The following CADM2 variants were observed in gnomAD, a reference collection of about 807,000 sequenced individuals.
CADM2 encodes the protein immunoglobulin superfamily member 4D.
CADM2 carries 12 observed loss-of-function variants against 49.8 expected under a neutral mutation model. The observed-to-expected ratio is 0.24, with a 90% CI of 0.15 to 0.39. The LOEUF (loss-of-function observed/expected upper bound fraction) is 0.39. Ranked by LOEUF, CADM2 falls within the 10% of genes least tolerant of loss-of-function variation. CADM2 has a pLI of 1.00. For synonymous variants in CADM2, 214 were observed against 175.4 expected (o/e 1.22, Z -1.74); for missense variants, 378 against 492.3 (o/e 0.77, Z 2.20).
At position 85,430,509 on chromosome 3, in the gene CADM2, C is replaced by T. The variant is rs185136055; in HGVS notation, c.62-296013C>T. ...CTCCTGCCTGGGTGACAGAGCAAGA[C>T]CTTGTCTCAAAAAATAATAATAATA... On this transcript the variant is annotated intron_variant, in intron 1 of 9. Coordinates refer to ENST00000383699, the MANE Select transcript of CADM2 (RefSeq NM_001167675.2). 2.4e-3 allele frequency among the ~76,000 whole-genome samples: 362 copies of T among 151,390 alleles called. 2 individuals carry two copies. Among genetic ancestry groups the T allele is most frequent in the African/African-American group, 8.4e-3 (346 of 41,214 alleles).
intron 1 of CADM2, among the ~76,000 whole-genome samples, chr3:85,080,538 A>T (rs937244617): frequency 6.6e-6 from 1 of 152,120 alleles, no homozygotes; most frequent in African/African-American, 2.4e-5. Flanking sequence ...TGTCGGTAGC[A>T]GTACCAAAAT....
chr3:85,604,479 A>C (rs181059177), intron 1 of CADM2, among the ~76,000 whole-genome samples: 1 of 151,638 alleles, frequency 6.6e-6, no homozygotes, highest in East Asian at 1.9e-4. Context: ...CCCATGTGAA[A>C]CTCTGTGTTT....
At chr3:84,999,238 C>T (rs1186871970) in intron 1 of CADM2, among the ~76,000 whole-genome samples, 2 of 152,126 alleles carry the variant, frequency 1.3e-5, no homozygotes, top group Non-Finnish European at 2.9e-5. Flanking sequence ...AAATACTGAA[C>T]CTCCTTGGGA....
At chr3:85,028,902 T>A (rs1194578000) in intron 1 of CADM2, among the ~76,000 whole-genome samples, 2 of 151,844 alleles carry the variant, frequency 1.3e-5, no homozygotes, top group African/African-American at 4.8e-5. Flanking sequence ...AGAATATGTA[T>A]AGCTTATTAA....
intron 1 of CADM2, among the ~76,000 whole-genome samples, chr3:85,282,268 C>CT (rs563039552): frequency 0.16 from 16,492 of 106,054 alleles, 1,708 homozygotes; most frequent in African/African-American, 0.33. Context: ...TTTTTTTTGC[C>CT]TTTTTTTTTT....
chr3:85,122,543 C>T (rs2038902443), intron 1 of CADM2, among the ~76,000 whole-genome samples: 1 of 152,096 alleles, frequency 6.6e-6, no homozygotes. Context: ...GCTTTCATAT[C>T]TGTTTTTGAG....
chr3:84,998,092 A>G (rs2033270260), intron 1 of CADM2, among the ~76,000 whole-genome samples: 1 of 152,154 alleles, frequency 6.6e-6, no homozygotes, highest in African/African-American at 2.4e-5. Context: ...TACAACAAAC[A>G]TAAAATCTAA....
chr3:85,428,668 T>C (rs561782390), intron 1 of CADM2, among the ~76,000 whole-genome samples: 34 of 144,802 alleles, frequency 2.3e-4, no homozygotes, highest in African/African-American at 8.2e-4. Flanking sequence ...TAATATATCA[T>C]ATATAATATA....
intron 1 of CADM2, among the ~76,000 whole-genome samples, chr3:85,490,622 A>C (rs372440517): frequency 6.6e-6 from 1 of 152,106 alleles, no homozygotes; most frequent in African/African-American, 2.4e-5. Flanking sequence ...AATTGTAAAA[A>C]ATCAATTAAT....
intron 2 of CADM2, among the ~76,000 whole-genome samples, chr3:85,730,611 C>G (rs2067891316): frequency 6.6e-6 from 1 of 152,068 alleles, no homozygotes; most frequent in South Asian, 2.1e-4. Flanking sequence ...TTAACAAGAT[C>G]ATCACTGCTT....
At chr3:85,843,897 T>G (rs9828595) in intron 3 of CADM2, among the ~76,000 whole-genome samples, 38,493 of 150,226 alleles carry the variant, frequency 0.26, 5,227 homozygotes, top group African/African-American at 0.35. Flanking sequence ...TATGTGTGTG[T>G]GGGGGGGGAG....
intron 1 of CADM2, among the ~76,000 whole-genome samples, chr3:85,649,749 C>A (rs900109451): frequency 6.6e-6 from 1 of 152,170 alleles, no homozygotes; most frequent in African/African-American, 2.4e-5. Flanking sequence ...TATGAACTCA[C>A]TCATGCTTTG....
At chr3:85,081,235 C>T (rs888495530) in intron 1 of CADM2, among the ~76,000 whole-genome samples, 2 of 152,038 alleles carry the variant, frequency 1.3e-5, no homozygotes, top group African/African-American at 4.8e-5. Context: ...TCTGTTTCAT[C>T]AGACAAATAC....
intron 1 of CADM2, among the ~76,000 whole-genome samples, chr3:85,229,704 A>G (rs1313457455): frequency 1.3e-5 from 2 of 152,206 alleles, no homozygotes; most frequent in South Asian, 2.1e-4. Context: ...CCAAGTCTGA[A>G]GATGGGCAGG....
intron 1 of CADM2, among the ~76,000 whole-genome samples, chr3:85,682,728 C>T (rs2066074352): frequency 6.6e-6 from 1 of 151,932 alleles, no homozygotes; most frequent in African/African-American, 2.4e-5. Context: ...GCTTTCTTTT[C>T]AAGAAAGAGA....
intron 1 of CADM2, among the ~76,000 whole-genome samples, chr3:85,305,273 A>G (rs1576319527): frequency 6.6e-6 from 1 of 151,640 alleles, no homozygotes; most frequent in Non-Finnish European, 1.5e-5. Flanking sequence ...TAGCTTAGCT[A>G]TATTTGGAAT....
chr3:85,854,651 G>T (rs1428134432), intron 3 of CADM2, among the ~76,000 whole-genome samples: 1 of 152,036 alleles, frequency 6.6e-6, no homozygotes, highest in Non-Finnish European at 1.5e-5. Context: ...CAAGGGGAGG[G>T]ATAGCGTTAG....
chr3:85,015,286 G>A (rs945794435), intron 1 of CADM2, among the ~76,000 whole-genome samples: 1 of 152,098 alleles, frequency 6.6e-6, no homozygotes, highest in Non-Finnish European at 1.5e-5. Context: ...TGGCACTGGT[G>A]AAAACTAAGC....
intron 5 of CADM2, among the ~76,000 whole-genome samples, chr3:85,910,979 G>A (rs1156238039): frequency 2.6e-5 from 4 of 151,922 alleles, no homozygotes; most frequent in Admixed American, 6.6e-5. Context: ...CAATCTTTGC[G>A]TAAGGCACAA....
Sources: allele counts gnomAD v4.1 joint callset (sites outside exome capture counted in the v4.1 genomes callset), GRCh38; gene constraint gnomAD v4.1.1; transcripts MANE v1.5; gene names NCBI Gene and HGNC (gene_info 2026-07-23, HGNC 2026-07-21).